Variants in WNT7B observed in about 807,000 individuals in gnomAD.
The protein encoded by WNT7B is Wnt family member 7B.
Under a neutral mutation model 38.2 loss-of-function variants are expected in WNT7B, and 19 were observed. The observed-to-expected ratio is 0.50, with a 90% CI of 0.35 to 0.73. WNT7B has a LOEUF of 0.73. Among genes scored for constraint, WNT7B ranks in the 30% least tolerant of loss-of-function variants. WNT7B has a pLI of 0.01. For synonymous variants in WNT7B, 243 were observed against 209.3 expected, an observed-to-expected ratio of 1.16 and a Z score of -1.39; for missense variants, 423 against 507.9, an observed-to-expected ratio of 0.83 and a Z score of 1.61.
chr22:45,925,987 C>T (rs996148128), intron 3 of WNT7B: 11 of 985,316 alleles, frequency 1.1e-5, no homozygotes, highest in African/African-American at 1.7e-5. Flanking sequence ...CTCCCCTGTC[C>T]CTGTCTCCCG....
intron 2 of WNT7B, among the ~76,000 whole-genome samples, chr22:45,932,988 G>A (rs567511329): frequency 2.0e-5 from 3 of 152,334 alleles, no homozygotes; most frequent in African/African-American, 4.8e-5. Flanking sequence ...GAGCACCAAC[G>A]GCATGCCCAG....
intron 3 of WNT7B, among the ~76,000 whole-genome samples, chr22:45,929,862 A>ACCCAT (rs1931267198): frequency 7.7e-6 from 1 of 130,430 alleles, no homozygotes; most frequent in Non-Finnish European, 1.6e-5. Context: ...TCATCCTTCC[A>ACCCAT]TCCATCCATC....
intron 1 of WNT7B, among the ~76,000 whole-genome samples, chr22:45,960,252 G>A (rs1163324356): frequency 6.6e-6 from 1 of 152,106 alleles, no homozygotes; most frequent in African/African-American, 2.4e-5. Context: ...TCGCATGCTG[G>A]CCCGCCCCCG....
intron 3 of WNT7B, chr22:45,925,161 G>T: frequency 1.5e-5 from 15 of 974,012 alleles, no homozygotes; most frequent in Non-Finnish European, 1.6e-5. Flanking sequence ...TGGGCCCAAA[G>T]GCTCATCAGG....
Position 45,921,536 on chromosome 22 carries a change from C to A in WNT7B, c.*1320G>T, listed in dbSNP as rs1040554053. 1 of 152,220 alleles carries A rather than the reference C, an allele frequency of 6.6e-6. No individual in the cohort carries two copies. The highest frequency in any genetic ancestry group is 2.4e-5 in the African/African-American group (1 of 41,444). The allele number at this position is 152,220 out of a possible 1,614,324, so 9.4% of individuals were successfully genotyped here. ...CAGGGTCTCTGGTAGGTCCTTGTGC[C>A]ACTCTGGGCCTCAGAGTTCCCATCT... On this transcript the variant is annotated 3_prime_UTR_variant, in exon 4 of 4. Transcript: ENST00000339464.
chr22:45,943,594 C>T (rs533364911), intron 2 of WNT7B, among the ~76,000 whole-genome samples: 3 of 152,334 alleles, frequency 2.0e-5, no homozygotes, highest in East Asian at 3.9e-4. Context: ...CCTTCCTCCC[C>T]GGGGCTGCCC....
In WNT7B at chr22:45,945,699, G is replaced by C. The variant is rs373473379; in HGVS notation, c.298+4221C>G. ...CAGGGCGGCAGGTGCACCTGGCCCG[G>C]GAGTCACCCTCTCACCACACGACCC... On this transcript the variant is annotated intron_variant, in intron 2 of 3. Coordinates refer to ENST00000339464, the MANE Select transcript of WNT7B (RefSeq NM_058238.3). Among the ~76,000 whole-genome samples, 290 of 152,328 alleles carry C rather than the reference G, an allele frequency of 1.9e-3. 2 individuals are homozygous for C. Among genetic ancestry groups the C allele is most frequent in the African/African-American group, 6.9e-3 (286 of 41,572 alleles).
chr22:45,968,623 C>T (rs989154974), intron 1 of WNT7B, among the ~76,000 whole-genome samples: 1 of 152,228 alleles, frequency 6.6e-6, no homozygotes, highest in African/African-American at 2.4e-5. Flanking sequence ...CCTCCCTCTG[C>T]ACACAGACGG....
At chr22:45,971,548 G>A (rs1018452463) in intron 1 of WNT7B, among the ~76,000 whole-genome samples, 1 of 152,190 alleles carries the variant, frequency 6.6e-6, no homozygotes, top group South Asian at 2.1e-4. Flanking sequence ...GAACGCGGCC[G>A]CCAGCACGCA....
intron 1 of WNT7B, among the ~76,000 whole-genome samples, chr22:45,964,237 C>T (rs1406529118): frequency 6.6e-6 from 1 of 152,146 alleles, no homozygotes; most frequent in Admixed American, 6.5e-5. Context: ...TGCCTGGCAT[C>T]CAGGGATCCT....
chr22:45,924,700 T>C (rs1223212651), intron 3 of WNT7B, among the ~76,000 whole-genome samples: 1 of 137,350 alleles, frequency 7.3e-6, no homozygotes, highest in Non-Finnish European at 1.6e-5. Flanking sequence ...TCCCAAAGGC[T>C]CATCAGGTGG....
In WNT7B at chr22:45,975,892, T is replaced by C. The variant is rs1014461080; in HGVS notation, c.71+792A>G. On this transcript the variant is annotated intron_variant, in intron 1 of 3. Coordinates refer to ENST00000339464, the MANE Select transcript of WNT7B (RefSeq NM_058238.3). This position sits in a 1 kb window ranked among gnomAD's most constrained non-coding sequence, Gnocchi z 6.6. ...TCGAGCGAAGCCGAGACAGATTCTG[T>C]CTAAAGGAGATCGCGGCTCAACAGG... is the stretch of plus-strand genomic sequence containing the variant. The C allele has an allele frequency of 6.7e-5, 14 of 208,296 alleles. No homozygotes were observed. Among genetic ancestry groups the C allele is most frequent in the Admixed American group, 1.8e-4 (3 of 16,678 alleles). 12.9% of individuals were successfully genotyped at this position (208,296 alleles called of 1,614,324 possible).
intron 2 of WNT7B, chr22:45,935,974 C>T: frequency 1.0e-6 from 1 of 985,326 alleles, no homozygotes; most frequent in Non-Finnish European, 1.2e-6. Context: ...CTCTGAAGAC[C>T]CACAGCCTAC....
intron 2 of WNT7B, among the ~76,000 whole-genome samples, chr22:45,943,107 A>ATG (rs949993971): frequency 4.6e-5 from 7 of 151,910 alleles, no homozygotes; most frequent in Admixed American, 2.0e-4. Flanking sequence ...GTGTGTGTGC[A>ATG]TGTGTGTGTG....
chr22:45,964,583 G>T (rs554383884), intron 1 of WNT7B, among the ~76,000 whole-genome samples: 1 of 152,108 alleles, frequency 6.6e-6, no homozygotes, highest in Non-Finnish European at 1.5e-5. Context: ...GACCTGAGTC[G>T]GGGAGCCTGG....
chr22:45,956,497 C>A (rs139291960), intron 1 of WNT7B, among the ~76,000 whole-genome samples: 10 of 152,342 alleles, frequency 6.6e-5, no homozygotes, highest in Non-Finnish European at 1.2e-4. Flanking sequence ...TACTGGGTAT[C>A]CGCGTCAGCC....
intron 3 of WNT7B, among the ~76,000 whole-genome samples, chr22:45,929,810 A>G (rs1238142534): frequency 1.3e-5 from 2 of 148,344 alleles, no homozygotes; most frequent in African/African-American, 2.5e-5. Flanking sequence ...CCATCTACCC[A>G]TCCATCTATC....
At chr22:45,935,819 G>A (rs1931501328) in intron 2 of WNT7B, 1 of 985,382 alleles carries the variant, frequency 1.0e-6, no homozygotes, top group Non-Finnish European at 1.2e-6. Flanking sequence ...ATAGGCCCAT[G>A]GCAGTGACGA....
intron 2 of WNT7B, among the ~76,000 whole-genome samples, chr22:45,947,280 G>C (rs2146729800): frequency 6.6e-6 from 1 of 152,384 alleles, no homozygotes; most frequent in East Asian, 1.9e-4. Context: ...GCCATAAGGA[G>C]CTACTGCAGG....
Sources: gnomAD v4.1 joint callset for allele counts (sites outside exome capture counted in the v4.1 genomes callset) on GRCh38, gnomAD v4.1.1 for gene constraint, Gnocchi (gnomAD v3.1) non-coding constraint, MANE v1.5 for transcripts, NCBI Gene and HGNC (gene_info 2026-07-23, HGNC 2026-07-21) for gene names.